ADAMTS6: variants seen among roughly 807,000 people sequenced by gnomAD.
ADAMTS6 encodes the protein ADAM metallopeptidase with thrombospondin type 1 motif 6.
A neutral mutation model predicts 144.3 loss-of-function variants in ADAMTS6; 23 were observed. That is an observed-to-expected ratio of 0.16 (90% confidence interval 0.11 to 0.23). The LOEUF (loss-of-function observed/expected upper bound fraction) is 0.23, where lower values mean the gene tolerates loss of function less well. Ranked by LOEUF, ADAMTS6 falls within the 10% of genes least tolerant of loss-of-function variation. The pLI is 1.00. For missense variants in ADAMTS6, 999 were observed against 1,379.6 expected (o/e 0.72, Z 4.37); for synonymous variants, 444 against 457.5 (o/e 0.97, Z 0.38).
At chr5:65,258,296 C>T (rs1760869490) in intron 14 of ADAMTS6, among the ~76,000 whole-genome samples, 1 of 151,926 alleles carries the variant, frequency 6.6e-6, no homozygotes, top group African/African-American at 2.4e-5. Flanking sequence ...GTACACAAGG[C>T]AAAGGGAATA....
chr5:65,408,888 C>T (rs1480447192), intron 7 of ADAMTS6, among the ~76,000 whole-genome samples: 1 of 152,156 alleles, frequency 6.6e-6, no homozygotes, highest in East Asian at 1.9e-4. Context: ...ACAACCTGCT[C>T]CTGAATGACT....
intron 14 of ADAMTS6, among the ~76,000 whole-genome samples, chr5:65,255,144 C>T (rs960045630): frequency 2.0e-5 from 3 of 152,330 alleles, no homozygotes; most frequent in East Asian, 1.9e-4. Context: ...ACCCTAACCC[C>T]ATTTTAGGGC....
At chr5:65,447,033 T>TA (rs1250478307) in intron 7 of ADAMTS6, among the ~76,000 whole-genome samples, 1 of 152,160 alleles carries the variant, frequency 6.6e-6, no homozygotes, top group Non-Finnish European at 1.5e-5. Flanking sequence ...TATAAACTGT[T>TA]ACGTATTATT....
intron 9 of ADAMTS6, among the ~76,000 whole-genome samples, chr5:65,329,096 T>C (rs1249816498): frequency 6.6e-6 from 1 of 152,136 alleles, no homozygotes; most frequent in Non-Finnish European, 1.5e-5. Context: ...ATCATTTAAA[T>C]AACTGGACTT....
chr5:65,418,778 C>T (rs1755767368), intron 7 of ADAMTS6, among the ~76,000 whole-genome samples: 2 of 151,902 alleles, frequency 1.3e-5, no homozygotes, highest in South Asian at 4.1e-4. Context: ...ATACAAGTGG[C>T]CAACAAACAT....
chr5:65,263,220 C>G (rs1368383011), intron 12 of ADAMTS6, among the ~76,000 whole-genome samples: 1 of 152,192 alleles, frequency 6.6e-6, no homozygotes, highest in East Asian at 1.9e-4. Flanking sequence ...CTTCTTTTCC[C>G]TTGTTTCTAT....
intron 2 of ADAMTS6, among the ~76,000 whole-genome samples, chr5:65,471,874 C>T (rs182741896): frequency 1.7e-4 from 26 of 152,240 alleles, no homozygotes; most frequent in Admixed American, 1.7e-3. Context: ...ATGGAGTTAA[C>T]CATATGATCC....
At chr5:65,323,723 C>T (rs1252827873) in intron 9 of ADAMTS6, among the ~76,000 whole-genome samples, 1 of 152,178 alleles carries the variant, frequency 6.6e-6, no homozygotes, top group East Asian at 1.9e-4. Context: ...AACTAGTTTA[C>T]AGTCCCACCA....
Position 65,300,190 on chromosome 5 carries a change from C to T in ADAMTS6, c.1224-59G>A, listed in dbSNP as rs1166091312. ...AATAAGAAAAAAACCCCAACACATC[C>T]CTTATTTCCTTATTTGGCCATTTAT... On this transcript the variant is annotated intron_variant, in intron 9 of 24. Coordinates refer to ENST00000381055, the MANE Select transcript of ADAMTS6 (RefSeq NM_197941.4). The T allele has an allele frequency of 2.0e-6, 3 of 1,500,176 alleles. No homozygotes were observed. In the African/African-American group the frequency reaches 4.2e-5, roughly 21 times the overall value. 92.9% of individuals were successfully genotyped at this position (1,500,176 alleles called of 1,614,324 possible).
Position 65,377,459 on chromosome 5 carries a change from C to T in ADAMTS6, c.1074-43374G>A, listed in dbSNP as rs537231897. 2.0e-5 allele frequency among the ~76,000 whole-genome samples: 3 copies of T among 152,292 alleles called. No individual in the cohort carries two copies. The South Asian group carries it at 6.2e-4, about 32-fold the overall frequency. On this transcript the variant is annotated intron_variant, in intron 7 of 24. Coordinates refer to ENST00000381055, the MANE Select transcript of ADAMTS6 (RefSeq NM_197941.4). ...TTTAAATACCTCCTAAAAGGATATG[C>T]AGAGCACACACTCCAATGAGCTATC...
intron 7 of ADAMTS6, among the ~76,000 whole-genome samples, chr5:65,344,778 A>G (rs1185550935): frequency 6.6e-6 from 1 of 151,744 alleles, no homozygotes; most frequent in Non-Finnish European, 1.5e-5. Context: ...TATTCGTCTT[A>G]TTTTCGTTTC....
At chr5:65,425,646 G>A (rs978902303) in intron 7 of ADAMTS6, among the ~76,000 whole-genome samples, 3 of 152,070 alleles carry the variant, frequency 2.0e-5, no homozygotes, top group Non-Finnish European at 2.9e-5. Flanking sequence ...TGTCCTTGGT[G>A]CAATTTAGCC....
intron 3 of ADAMTS6, among the ~76,000 whole-genome samples, chr5:65,462,864 G>A (rs1327450751): frequency 1.3e-5 from 2 of 152,112 alleles, no homozygotes; most frequent in Middle Eastern, 3.4e-3. Context: ...GGTCAATCAC[G>A]AGGTCAGGAG....
Position 65,188,214 on chromosome 5 carries a change from G to T in ADAMTS6, c.2712C>A (p.Phe904Leu). The T allele has an allele frequency of 6.2e-7, 1 of 1,613,562 alleles. No homozygotes were observed. Residue 904 changes from phenylalanine to leucine, a missense_variant, in exon 22 of 25, where the codon TTC (phenylalanine) becomes TTA (leucine). Transcript: ENST00000381055. ...TGCTGCATTCCAACCAATCCCCAAT[G>T]AACCACCTGCAGCAAGACATGGAAG... ...CNTEPCPPEW[F>L]IGDWLECSKT...
chr5:65,285,293 T>C (rs935777009), intron 11 of ADAMTS6, among the ~76,000 whole-genome samples: 1 of 152,150 alleles, frequency 6.6e-6, no homozygotes, highest in African/African-American at 2.4e-5. Flanking sequence ...TTGAGAGCAC[T>C]GGGCACAGTG....
intron 7 of ADAMTS6, among the ~76,000 whole-genome samples, chr5:65,382,074 TG>T (rs1752093834): frequency 1.3e-5 from 2 of 152,232 alleles, no homozygotes; most frequent in East Asian, 3.8e-4. Flanking sequence ...GCTAGACTTT[TG>T]CTTTTTGGAA....
chr5:65,200,181 C>G (rs1169998585), intron 20 of ADAMTS6, among the ~76,000 whole-genome samples: 1 of 152,154 alleles, frequency 6.6e-6, no homozygotes, highest in East Asian at 1.9e-4. Context: ...CTATTACTCC[C>G]ACACTTGGCA....
Position 65,164,026 on chromosome 5 carries a change from A to G in ADAMTS6, c.3244+6591T>C, listed in dbSNP as rs549758383. 5.3e-5 allele frequency among the ~76,000 whole-genome samples: 8 copies of G among 152,256 alleles called. No individual in the cohort carries two copies. In the East Asian group the frequency reaches 1.5e-3, roughly 29 times the overall value. On this transcript the variant is annotated intron_variant, in intron 24 of 24. Coordinates refer to ENST00000381055, the MANE Select transcript of ADAMTS6 (RefSeq NM_197941.4). ...AATAAAAAACAGACAGAGGGGGAGG[A>G]GCCAAGATGGCCGAATAGGAACAGC...
chr5:65,440,429 A>C (rs756584213), intron 7 of ADAMTS6, among the ~76,000 whole-genome samples: 1 of 152,246 alleles, frequency 6.6e-6, no homozygotes, highest in Non-Finnish European at 1.5e-5. Flanking sequence ...ATTCAATGCC[A>C]TGAAACAGAG....
Sources: gnomAD v4.1 joint callset for allele counts (sites outside exome capture counted in the v4.1 genomes callset) on GRCh38, gnomAD v4.1.1 for gene constraint, MANE v1.5 for transcripts, NCBI Gene and HGNC (gene_info 2026-07-23, HGNC 2026-07-21) for gene names.